LNX1: variants seen among roughly 807,000 people sequenced by gnomAD.
LNX1 encodes the protein ligand of numb-protein X 1, also known as E3 ubiquitin-protein ligase LNX.
A neutral mutation model predicts 68.4 loss-of-function variants in LNX1; 54 were observed. The ratio of observed to expected loss-of-function variants is 0.79; its 90% CI spans 0.63 to 0.99. LNX1 has a LOEUF of 0.99. Ranked by LOEUF, LNX1 falls within the 50% of genes least tolerant of loss-of-function variation. The pLI, the probability that LNX1 is intolerant of heterozygous loss-of-function variation, is 0.00. For missense variants in LNX1, 906 were observed against 926.4 expected, an observed-to-expected ratio of 0.98 and a Z score of 0.29; for synonymous variants, 336 against 350.0, an observed-to-expected ratio of 0.96 and a Z score of 0.45.
chr4:53,538,701 C>A (rs2079988611), intron 2 of LNX1, among the ~76,000 whole-genome samples: 3 of 152,292 alleles, frequency 2.0e-5, no homozygotes, highest in Middle Eastern at 6.8e-3. Context: ...ATTGAAAGAG[C>A]CTTCAAACTC....
In LNX1 at chr4:53,508,009, G is replaced by C. The variant is rs751494229; in HGVS notation, c.599C>G (p.Ser200Cys). The change falls in exon 3 of 11, where the codon TCT (serine) becomes TGT (cysteine). Residue 200 changes from serine (S) to cysteine (C), a missense_variant. Ser to Cys is a moderately radical substitution (Grantham distance 112). Coordinates refer to ENST00000263925, the MANE Select transcript of LNX1 (RefSeq NM_001126328.3). ...ACCCCTAGTTCGGTTGCTCCGGCCA[G>C]AGTCCACTGGGCTGATTGCTGGCTG... is the stretch of plus-strand genomic sequence containing the variant. ...DGQPAISPVDSGRSNRTRARP... is the reference protein window; with the variant it reads ...DGQPAISPVDCGRSNRTRARP... 6.2e-6 allele frequency: 10 copies of C among 1,614,100 alleles called. 1 individual carries two copies. The highest frequency in any genetic ancestry group is 1.7e-4 in the Middle Eastern group (1 of 6,060).
intron 2 of LNX1, among the ~76,000 whole-genome samples, chr4:53,533,594 T>G (rs1449277655): frequency 2.6e-5 from 4 of 152,168 alleles, no homozygotes; most frequent in Non-Finnish European, 2.9e-5. Context: ...GGGATGAGGT[T>G]TCACTGTGTT....
At chr4:53,496,657 C>T (rs1208046578) in intron 5 of LNX1, 5 of 400,252 alleles carry the variant, frequency 1.2e-5, no homozygotes, top group African/African-American at 2.0e-5. Flanking sequence ...TATTTATTCC[C>T]AGAATCCTAG....
exon 2 of LNX1, chr4:53,616,566 T>C (rs1454850993): frequency 6.6e-6 from 1 of 152,182 alleles, no homozygotes; most frequent in Non-Finnish European, 1.5e-5. Context: ...TCCACGTAGA[T>C]AGTTTTCAAG....
At chr4:53,478,500 A>G in intron 8 of LNX1, 65 bp downstream of exon 8, 1 of 1,393,838 alleles carries the variant, frequency 7.2e-7, no homozygotes, top group Non-Finnish European at 9.9e-7. Flanking sequence ...TAGTCACCTA[A>G]CAAGCTACTA....
intron 1 of LNX1, among the ~76,000 whole-genome samples, chr4:53,584,672 A>T (rs1179829879): frequency 6.6e-6 from 1 of 152,188 alleles, no homozygotes; most frequent in Non-Finnish European, 1.5e-5. Flanking sequence ...GACGACCTCT[A>T]TGTGAGGTTT....
chr4:53,617,412 T>G (rs1465221121), exon 1 of LNX1: 1 of 152,148 alleles, frequency 6.6e-6, no homozygotes, highest in Non-Finnish European at 1.5e-5. Flanking sequence ...AAAATTTACT[T>G]TGGGATTTAA....
chr4:53,496,820 A>G (rs1725100684), intron 5 of LNX1, among the ~76,000 whole-genome samples: 1 of 152,210 alleles, frequency 6.6e-6, no homozygotes, highest in African/African-American at 2.4e-5. Context: ...TTTTCTTCCC[A>G]AAAATCTCCA....
intron 2 of LNX1, among the ~76,000 whole-genome samples, chr4:53,551,195 GCTTTT>G (rs1577700437): frequency 6.6e-6 from 1 of 152,088 alleles, no homozygotes; most frequent in East Asian, 1.9e-4. Flanking sequence ...AACTCTTACC[GCTTTT>G]GGCAGTTTCT....
chr4:53,539,281 A>G (rs1470735010), intron 2 of LNX1: 1 of 152,254 alleles, frequency 6.6e-6, no homozygotes, highest in Admixed American at 6.5e-5. Flanking sequence ...CACTATAAAA[A>G]GAATAGTGAA....
At chr4:53,497,422 G>C (rs1236763020) in intron 5 of LNX1, among the ~76,000 whole-genome samples, 2 of 152,328 alleles carry the variant, frequency 1.3e-5, no homozygotes, top group Admixed American at 1.3e-4. Context: ...GGCCTTTCTT[G>C]AGGATATAAT....
intron 2 of LNX1, among the ~76,000 whole-genome samples, chr4:53,548,121 G>GAA (rs11377097): frequency 0.049 from 6,898 of 141,872 alleles, 281 homozygotes; most frequent in African/African-American, 0.11. Flanking sequence ...AGTGATGGTT[G>GAA]AAAAAAAAAA....
chr4:53,626,991 G>T (rs1462526467), intron 1 of LNX1, among the ~76,000 whole-genome samples: 1 of 152,172 alleles, frequency 6.6e-6, no homozygotes, highest in Non-Finnish European at 1.5e-5. Context: ...ATAAAGATTG[G>T]CCGGGGATCC....
chr4:53,529,309 G>A (rs556894304), intron 2 of LNX1, among the ~76,000 whole-genome samples: 5 of 152,220 alleles, frequency 3.3e-5, no homozygotes, highest in South Asian at 4.2e-4. Context: ...ATCTGCCTGG[G>A]AGCAGGCAGT....
chr4:53,646,050 G>C (rs1412449990), intron 1 of LNX1, among the ~76,000 whole-genome samples: 1 of 152,138 alleles, frequency 6.6e-6, no homozygotes, highest in East Asian at 1.9e-4. Flanking sequence ...TTTCCCTTTT[G>C]CTTTGGTTGC....
intron 9 of LNX1, among the ~76,000 whole-genome samples, chr4:53,475,635 T>A (rs151279438): frequency 6.6e-6 from 1 of 152,352 alleles, no homozygotes; most frequent in African/African-American, 2.4e-5. Flanking sequence ...ATGCTAATAT[T>A]TAGCATTATT....
intron 1 of LNX1, among the ~76,000 whole-genome samples, chr4:53,574,600 C>T (rs1731371557): frequency 1.3e-5 from 2 of 152,216 alleles, no homozygotes; most frequent in Admixed American, 1.3e-4. Flanking sequence ...CATATTTTCA[C>T]TATGATAAAT....
intron 2 of LNX1, among the ~76,000 whole-genome samples, chr4:53,548,449 C>T (rs997632009): frequency 6.6e-6 from 1 of 152,108 alleles, no homozygotes; most frequent in African/African-American, 2.4e-5. Context: ...ATACATAAGA[C>T]AAGCAATGGA....
chr4:53,575,027 G>C (rs1577740939), intron 1 of LNX1, among the ~76,000 whole-genome samples: 1 of 151,850 alleles, frequency 6.6e-6, no homozygotes, highest in South Asian at 2.1e-4. Context: ...TGTTGCCCAG[G>C]CTGGAGTGCA....
Sources: allele counts gnomAD v4.1 joint callset (sites outside exome capture counted in the v4.1 genomes callset), GRCh38; gene constraint gnomAD v4.1.1; transcripts MANE v1.5; gene names NCBI Gene and HGNC (gene_info 2026-07-23, HGNC 2026-07-21).